MAP2: variants seen among roughly 807,000 people sequenced by gnomAD.
The protein encoded by MAP2 is microtubule-associated protein 2.
In MAP2, 14 loss-of-function variants were observed where a neutral mutation model predicts 137.6. That is an observed-to-expected ratio of 0.10 (90% confidence interval 0.07 to 0.16). The LOEUF is 0.16. Ranked by LOEUF, MAP2 falls within the 10% of genes least tolerant of loss-of-function variation. The pLI is 1.00. For missense variants in MAP2, 2,088 were observed against 2,191.5 expected, an observed-to-expected ratio of 0.95 and a Z score of 0.94; for synonymous variants, 786 against 782.3, an observed-to-expected ratio of 1.00 and a Z score of -0.08.
At chr2:209,453,965 C>T (rs1700884019) in intron 1 of MAP2, among the ~76,000 whole-genome samples, 2 of 151,956 alleles carry the variant, frequency 1.3e-5, no homozygotes, top group Admixed American at 6.6e-5. Context: ...ACCTGGCTAA[C>T]ACAGTGAAAC....
intron 13 of MAP2, among the ~76,000 whole-genome samples, chr2:209,718,603 C>G (rs1256367248): frequency 6.6e-6 from 1 of 152,036 alleles, no homozygotes; most frequent in Non-Finnish European, 1.5e-5. Flanking sequence ...ATTATCTATT[C>G]ACCCCGGGCT....
At chr2:209,710,917 A>G (rs2065213786) in intron 13 of MAP2, 1 of 152,516 alleles carries the variant, frequency 6.6e-6, no homozygotes, top group Non-Finnish European at 1.5e-5. Context: ...GCAAACATTC[A>G]TATCTTTTCA....
chr2:209,613,218 C>T (rs1559409369), intron 3 of MAP2, among the ~76,000 whole-genome samples: 1 of 151,796 alleles, frequency 6.6e-6, no homozygotes, highest in African/African-American at 2.4e-5. Context: ...CCACAAATGG[C>T]TTCCAGTCTC....
At chr2:209,724,003 AT>A (rs1559670644) in intron 13 of MAP2, among the ~76,000 whole-genome samples, 1 of 152,022 alleles carries the variant, frequency 6.6e-6, no homozygotes, top group Non-Finnish European at 1.5e-5. Context: ...TCTTCAATGT[AT>A]TTTCTCACGT....
intron 2 of MAP2, among the ~76,000 whole-genome samples, chr2:209,544,250 G>A (rs2067590132): frequency 6.6e-6 from 1 of 151,754 alleles, no homozygotes; most frequent in South Asian, 2.1e-4. Flanking sequence ...AAAAAAAACG[G>A]GGAAGAAAAC....
intron 2 of MAP2, among the ~76,000 whole-genome samples, chr2:209,522,357 T>G (rs987888934): frequency 6.6e-6 from 1 of 152,096 alleles, no homozygotes; most frequent in East Asian, 1.9e-4. Context: ...GTATCATAGA[T>G]GCAGGAAAAT....
intron 3 of MAP2, among the ~76,000 whole-genome samples, chr2:209,608,045 T>A (rs2085409695): frequency 6.6e-6 from 1 of 152,214 alleles, no homozygotes; most frequent in Non-Finnish European, 1.5e-5. Flanking sequence ...TATTTTAAAA[T>A]GGAACAGTTG....
chr2:209,539,217 C>G (rs963197111), intron 2 of MAP2, among the ~76,000 whole-genome samples: 1 of 152,148 alleles, frequency 6.6e-6, no homozygotes, highest in Non-Finnish European at 1.5e-5. Context: ...CAGATTGTTT[C>G]TGCTCTTATA....
chr2:209,693,425 A>C lies in MAP2; in HGVS notation c.1255A>C (p.Thr419Pro). Residue 419 changes from threonine to proline, a missense_variant, in exon 8 of 16, where the codon ACT becomes CCT. Physicochemically the swap from Thr to Pro is conservative, Grantham distance 38 (BLOSUM62 -1). Transcript: ENST00000682079. ...AGAAAAGGAGGCCATAAATCAAGAG[A>C]CTGTGCAGCAAAGGGATACTTTCAC... ...EEEKEAINQE[T>P]VQQRDTFTPS... 2 of 1,613,834 alleles carry C rather than the reference A, an allele frequency of 1.2e-6. No individual in the cohort carries two copies. Among genetic ancestry groups the C allele is most frequent in the Non-Finnish European group, 1.7e-6 (2 of 1,179,964 alleles).
At chr2:209,504,454 A>G (rs1376434590) in intron 1 of MAP2, among the ~76,000 whole-genome samples, 1 of 152,338 alleles carries the variant, frequency 6.6e-6, no homozygotes, top group African/African-American at 2.4e-5. Context: ...TAAAACTTGC[A>G]AGCAAACAAA....
At chr2:209,591,767 C>G (rs1162610116) in intron 3 of MAP2, among the ~76,000 whole-genome samples, 3 of 152,108 alleles carry the variant, frequency 2.0e-5, no homozygotes, top group African/African-American at 7.2e-5. Context: ...TAACTTGGGA[C>G]AGTATCTATT....
chr2:209,540,628 C>T (rs2066805004), intron 2 of MAP2, among the ~76,000 whole-genome samples: 1 of 11,364 alleles, frequency 8.8e-5, no homozygotes, highest in Non-Finnish European at 1.4e-4. Context: ...GAGACTCCGT[C>T]TCAAAAAAAA....
intron 1 of MAP2, among the ~76,000 whole-genome samples, chr2:209,479,019 G>T (rs1200605022): frequency 6.6e-6 from 1 of 152,148 alleles, no homozygotes; most frequent in African/African-American, 2.4e-5. Flanking sequence ...AATCAATTAA[G>T]AAACTGTTTT....
At chr2:209,494,070 T>C (rs1445794760) in intron 1 of MAP2, among the ~76,000 whole-genome samples, 2 of 152,170 alleles carry the variant, frequency 1.3e-5, no homozygotes, top group Non-Finnish European at 2.9e-5. Context: ...AAAGAAAATT[T>C]GGCATACATA....
Position 209,733,490 on chromosome 2 carries a change from A to ACACACACACACACACACC in MAP2, c.*3096_*3097insACACACACACACACCCAC, listed in dbSNP as rs1312733311. On this transcript the variant is annotated 3_prime_UTR_variant, in exon 16 of 16. Coordinates refer to ENST00000682079, the MANE Select transcript of MAP2 (RefSeq NM_001375505.1). ...CACACACACACACACACACACACAC[A>ACACACACACACACACACC]CACCTACAGTAATACAGCAAGCGTG... The ACACACACACACACACACC allele has an allele frequency of 2.9e-5, 4 of 136,030 alleles. No individual in the cohort carries two copies. Among genetic ancestry groups the ACACACACACACACACACC allele is most frequent in the African/African-American group, 1.1e-4 (4 of 37,638 alleles). The allele number at this position is 136,030 out of a possible 1,614,324, so 8.4% of individuals were successfully genotyped here.
chr2:209,514,029 A>G (rs2062102314), intron 2 of MAP2, among the ~76,000 whole-genome samples: 1 of 152,176 alleles, frequency 6.6e-6, no homozygotes, highest in Admixed American at 6.6e-5. Flanking sequence ...TAAGGATTAA[A>G]TGGTCTTTTC....
At chr2:209,576,599 C>T (rs2153385461) in intron 2 of MAP2, among the ~76,000 whole-genome samples, 1 of 152,116 alleles carries the variant, frequency 6.6e-6, no homozygotes, top group South Asian at 2.1e-4. Flanking sequence ...ATCCTGTTTC[C>T]CACTTTTTTT....
At chr2:209,588,570 AT>A (rs761806942) in intron 3 of MAP2, among the ~76,000 whole-genome samples, 20 of 152,140 alleles carry the variant, frequency 1.3e-4, no homozygotes, top group Non-Finnish European at 2.9e-4. Context: ...AAGATCTTAC[AT>A]TTTATTTCCA....
At chr2:209,661,010 C>T (rs758915766) in intron 5 of MAP2, among the ~76,000 whole-genome samples, 9 of 151,512 alleles carry the variant, frequency 5.9e-5, no homozygotes, top group Non-Finnish European at 1.3e-4. Context: ...TCCCAAAGTG[C>T]TGGGATTACA....
Sources: allele counts gnomAD v4.1 joint callset (sites outside exome capture counted in the v4.1 genomes callset), GRCh38; gene constraint gnomAD v4.1.1; transcripts MANE v1.5; gene names NCBI Gene and HGNC (gene_info 2026-07-23, HGNC 2026-07-21).